Variants in ENPP2 observed in about 807,000 individuals in gnomAD.
ENPP2 encodes the protein autotaxin.
In ENPP2, 51 loss-of-function variants were observed where a neutral mutation model predicts 120.2. The observed-to-expected ratio is 0.42, with a 90% CI of 0.34 to 0.54. The LOEUF is 0.54. Among genes scored for constraint, ENPP2 ranks in the 20% least tolerant of loss-of-function variants. ENPP2 has a pLI of 0.04. For synonymous variants in ENPP2, 365 were observed against 366.4 expected, an observed-to-expected ratio of 1.00 and a Z score of 0.04; for missense variants, 920 against 1,066.5, an observed-to-expected ratio of 0.86 and a Z score of 1.91.
chr8:119,653,833 G>GCGTA (rs1306865090), intron 1 of ENPP2, among the ~76,000 whole-genome samples: 1 of 152,002 alleles, frequency 6.6e-6, no homozygotes, highest in Admixed American at 6.6e-5. Flanking sequence ...TGAACGTGTG[G>GCGTA]CGTAGATGAG....
chr8:119,630,499 A>G (rs1295738147), intron 2 of ENPP2, among the ~76,000 whole-genome samples: 3 of 152,304 alleles, frequency 2.0e-5, no homozygotes, highest in Admixed American at 2.0e-4. Context: ...CTATTTTCTT[A>G]CAACATTAAT....
In ENPP2 at chr8:119,638,784, G is replaced by C. The variant is rs777345402; in HGVS notation, c.-4C>G. The stretch of plus-strand genomic sequence containing the variant: ...GGAACGAGCTCCTCCTTGCCATGTC[G>C]AGGATTCTTGGAAAGCCTTTTGCAG... On this transcript the variant is annotated 5_prime_UTR_variant, in exon 1 of 25. Coordinates refer to ENST00000075322, the MANE Select transcript of ENPP2 (RefSeq NM_001040092.3). 6.2e-7 allele frequency: 1 copy of C among 1,612,406 alleles called. No individual in the cohort carries two copies.
intron 18 of ENPP2, among the ~76,000 whole-genome samples, chr8:119,581,918 A>G (rs927302300): frequency 1.3e-5 from 2 of 151,868 alleles, no homozygotes; most frequent in African/African-American, 2.4e-5. Flanking sequence ...TTTTTAGTAG[A>G]GACAGGGTTT....
At chr8:119,621,667 G>A in intron 3 of ENPP2, 148 bp from the exon 4 acceptor site, 4 of 737,284 alleles carry the variant, frequency 5.4e-6, no homozygotes, top group Non-Finnish European at 8.8e-6. Context: ...GAGGCCCAGA[G>A]GACATTTGGA....
rs74525982 is a variant in ENPP2 at position 119,569,200 on chromosome 8, T to C, written c.2053+35A>G. ...CCAAGATTGCACAATGTGACATCCC[T>C]CTGAAGGCATCAGATCTTGATATTC... On this transcript the variant is annotated intron_variant, in intron 21 of 24. Coordinates refer to ENST00000075322, the MANE Select transcript of ENPP2 (RefSeq NM_001040092.3). 6,886 of 1,607,990 alleles carry C rather than the reference T, an allele frequency of 4.3e-3. 253 individuals carry two copies. The African/African-American group carries it at 0.078, about 18-fold the overall frequency.
At chr8:119,588,580 C>A (rs1022111695) in intron 13 of ENPP2, among the ~76,000 whole-genome samples, 2 of 147,920 alleles carry the variant, frequency 1.4e-5, no homozygotes, top group South Asian at 4.4e-4. Context: ...TCTCTCTGGT[C>A]ATTCACAATA....
At chr8:119,568,041 T>A in intron 22 of ENPP2, 134 bp downstream of exon 22, 2 of 591,622 alleles carry the variant, frequency 3.4e-6, no homozygotes, top group Middle Eastern at 4.7e-4. Context: ...ACATGAAAGA[T>A]CCTCAAAAAT....
At chr8:119,670,706 T>A (rs969615820) in intron 1 of ENPP2, among the ~76,000 whole-genome samples, 3 of 152,134 alleles carry the variant, frequency 2.0e-5, no homozygotes, top group Admixed American at 6.5e-5. Flanking sequence ...AAACAGAGGT[T>A]AGACACAGAC....
intron 22 of ENPP2, 67 bp downstream of exon 22, chr8:119,568,108 G>T (rs1814627555): frequency 1.2e-6 from 1 of 840,456 alleles, no homozygotes; most frequent in Admixed American, 2.0e-5. Context: ...GGTAGAAAAG[G>T]TAAGGGGTAA....
rs751866089 is a variant in ENPP2 at position 119,601,428 on chromosome 8, A to G, written c.868T>C (p.Leu290=). 1.2e-6 allele frequency: 2 copies of G among 1,612,444 alleles called. No homozygotes were observed. Among genetic ancestry groups the G allele is most frequent in the South Asian group, 2.2e-5 (2 of 91,052 alleles). The change falls in exon 10 of 25, where the codon TTG becomes CTG. Residue 290 remains leucine, a synonymous_variant. Coordinates refer to ENST00000075322, the MANE Select transcript of ENPP2 (RefSeq NM_001040092.3). ...IPHERRILTI[L]QWLTLPDHER... is the part of the protein sequence containing the mutation. ...TGATCTGGCAGGGTGAGCCACTGCA[A>G]TATGGTTAATATTCTCCGCTCGTGA...
At position 119,583,998 on chromosome 8, in the gene ENPP2, T is replaced by C; in HGVS notation, c.1419A>G (p.Gly473=). 1.9e-6 allele frequency: 3 copies of C among 1,613,908 alleles called. No homozygotes were observed. Among genetic ancestry groups the C allele is most frequent in the Non-Finnish European group, 2.5e-6 (3 of 1,179,838 alleles). The change falls in exon 16 of 25, where the codon GGA becomes GGG. Residue 473 remains glycine, a synonymous_variant. Coordinates refer to ENST00000075322, the MANE Select transcript of ENPP2 (RefSeq NM_001040092.3). ...KKPSGKCFFQ[G]DHGFDNKVNS... is the part of the protein sequence containing the mutation. ...TGACCTTGTTATCAAATCCGTGGTC[T>C]CCCTGGAAAAAGCATTTTCCTGATG... is the stretch of plus-strand genomic sequence containing the variant.
At chr8:119,600,825 C>A (rs1436223436) in intron 10 of ENPP2, 75 bp from the exon 11 acceptor site, 10 of 865,740 alleles carry the variant, frequency 1.2e-5, no homozygotes, top group South Asian at 1.5e-5. Context: ...TTTTAAAAAA[C>A]GCATTTAAAA....
chr8:119,562,131 C>T lies in ENPP2; in HGVS notation c.2421+726G>A, dbSNP rs113434618. Among the ~76,000 whole-genome samples, 5 of 143,468 alleles carry T rather than the reference C, an allele frequency of 3.5e-5. 1 individual carries two copies. The highest frequency in any genetic ancestry group is 7.9e-5 in the African/African-American group (3 of 38,212). 94.1% of individuals were successfully genotyped at this position (143,468 alleles called of 152,430 possible). A position where few individuals can be genotyped will look rare whatever the true frequency, so the allele number is the denominator to read the frequency against. ...CAGCCTAGGTGACAGAGTGAGACTCCGCCTCAAAAAAAAAAAAGTTTTCAT... is the reference window on the plus strand; with the variant it reads ...CAGCCTAGGTGACAGAGTGAGACTCTGCCTCAAAAAAAAAAAAGTTTTCAT... On this transcript the variant is annotated intron_variant, in intron 24 of 24. Coordinates refer to ENST00000075322, the MANE Select transcript of ENPP2 (RefSeq NM_001040092.3).
chr8:119,663,558 T>G (rs1291825255), intron 1 of ENPP2, among the ~76,000 whole-genome samples: 1 of 152,216 alleles, frequency 6.6e-6, no homozygotes, highest in East Asian at 1.9e-4. Flanking sequence ...TCTCTTATAG[T>G]TTCACCATCT....
At chr8:119,600,284 G>A (rs1211434825) in intron 11 of ENPP2, among the ~76,000 whole-genome samples, 2 of 152,036 alleles carry the variant, frequency 1.3e-5, no homozygotes, top group Non-Finnish European at 2.9e-5. Flanking sequence ...TCATTTCAAG[G>A]GTGCTGAAAT....
intron 14 of ENPP2, among the ~76,000 whole-genome samples, chr8:119,586,588 C>T (rs543615998): frequency 6.6e-6 from 1 of 152,078 alleles, no homozygotes; most frequent in Non-Finnish European, 1.5e-5. Context: ...GAGCAATTCA[C>T]ACTCCAAGGC....
chr8:119,619,740 A>G, intron 4 of ENPP2, among the ~76,000 whole-genome samples: 1 of 151,898 alleles, frequency 6.6e-6, no homozygotes, highest in East Asian at 1.9e-4. Context: ...CTTAGAATCT[A>G]CAGAGATAAT....
Position 119,617,262 on chromosome 8 carries a change from A to G in ENPP2, c.578-19T>C. The G allele has an allele frequency of 6.3e-7, 1 of 1,588,752 alleles. No homozygotes were observed. The highest frequency in any genetic ancestry group is 8.6e-7 in the Non-Finnish European group (1 of 1,156,976). On this transcript the variant is annotated intron_variant, in intron 6 of 24. Coordinates refer to ENST00000075322, the MANE Select transcript of ENPP2 (RefSeq NM_001040092.3). ...CAAGACCCTGGAAAGAGAATTGCAA[A>G]TATTAGAACAAGAGAACCAACAGGA...
At chr8:119,661,962 A>T (rs1484424170) in intron 1 of ENPP2, among the ~76,000 whole-genome samples, 2 of 152,100 alleles carry the variant, frequency 1.3e-5, no homozygotes, top group African/African-American at 2.4e-5. Context: ...TGTGGAATCT[A>T]AAAAAATCAA....
Sources: allele counts gnomAD v4.1 joint callset (sites outside exome capture counted in the v4.1 genomes callset), GRCh38; gene constraint gnomAD v4.1.1; transcripts MANE v1.5; gene names NCBI Gene and HGNC (gene_info 2026-07-23, HGNC 2026-07-21).